Variants in PCDHGA6 observed in about 807,000 individuals in gnomAD.
PCDHGA6 encodes the protein protocadherin gamma-A6.
A neutral mutation model predicts 60.6 loss-of-function variants in PCDHGA6; 41 were observed. The observed-to-expected ratio is 0.68, with a 90% CI of 0.53 to 0.88. The LOEUF is 0.88. PCDHGA6 is among the 40% of genes least tolerant of loss of function. The probability of loss-of-function intolerance (pLI) is 0.00; values close to 1 mark genes in which losing one functional copy is unlikely to be tolerated. For synonymous variants in PCDHGA6, 594 were observed against 524.4 expected (o/e 1.13, Z -1.81); for missense variants, 1,312 against 1,203.0 (o/e 1.09, Z -1.34).
In PCDHGA6 at chr5:141,415,292, G is replaced by T. The variant is rs778092218; in HGVS notation, c.2424+38785G>T. The T allele has an allele frequency of 1.7e-5, 28 of 1,614,082 alleles. No individual in the cohort carries two copies. Among genetic ancestry groups the T allele is most frequent in the Non-Finnish European group, 2.3e-5 (27 of 1,180,046 alleles). Reference sequence around the variant, plus strand: ...GTGGTAGCGGTGGCCGCGGTCTCCTGCGTCTTCCTGGCCTTCGTCATCGTG... The same window carrying T: ...GTGGTAGCGGTGGCCGCGGTCTCCTTCGTCTTCCTGGCCTTCGTCATCGTG... On this transcript the variant is annotated intron_variant, in intron 1 of 3. Coordinates refer to ENST00000517434, the MANE Select transcript of PCDHGA6 (RefSeq NM_018919.3).
At chr5:141,390,424 T>C (rs1175804708) in intron 1 of PCDHGA6, 23 of 1,041,938 alleles carry the variant, frequency 2.2e-5, no homozygotes, top group Non-Finnish European at 3.0e-5. Flanking sequence ...GTTAAAAAGC[T>C]GTCATATCAT....
At chr5:141,404,328 T>G (rs1300173055) in intron 1 of PCDHGA6, 3 of 1,613,902 alleles carry the variant, frequency 1.9e-6, no homozygotes, top group Non-Finnish European at 2.5e-6. Flanking sequence ...TCCTACTCAG[T>G]CTACCTCCCG....
At chr5:141,417,784 G>T in intron 1 of PCDHGA6, 2 of 1,474,908 alleles carry the variant, frequency 1.4e-6, no homozygotes, top group Non-Finnish European at 9.0e-7. Context: ...GTCCTGGGCC[G>T]AATGCTCTTT....
chr5:141,422,115 T>C, intron 1 of PCDHGA6: 1 of 1,605,004 alleles, frequency 6.2e-7, no homozygotes, highest in South Asian at 1.1e-5. Context: ...TCCAATTGGA[T>C]TCACAAACTG....
chr5:141,494,898 T>C, intron 2 of PCDHGA6, 33 bp downstream of exon 2: 1 of 1,614,074 alleles, frequency 6.2e-7, no homozygotes, highest in Non-Finnish European at 8.5e-7. Flanking sequence ...CACCCTCTTC[T>C]CTGCGGCATT....
chr5:141,376,859 T>C, intron 1 of PCDHGA6: 1 of 231,414 alleles, frequency 4.3e-6, no homozygotes, highest in South Asian at 6.4e-5. Context: ...GCTAATTTTT[T>C]TGTATTTTTA....
At chr5:141,389,311 A>C in intron 1 of PCDHGA6, 2 of 1,613,988 alleles carry the variant, frequency 1.2e-6, no homozygotes, top group Non-Finnish European at 1.7e-6. Context: ...AGGGCTTCTG[A>C]TCCGGACTTG....
intron 1 of PCDHGA6, among the ~76,000 whole-genome samples, chr5:141,401,115 G>C (rs923480761): frequency 5.9e-5 from 9 of 151,974 alleles, no homozygotes; most frequent in African/African-American, 1.7e-4. Context: ...AGGCCGAGGC[G>C]GTTGGATCAC....
chr5:141,434,474 A>G (rs979175338), intron 1 of PCDHGA6, among the ~76,000 whole-genome samples: 2 of 152,222 alleles, frequency 1.3e-5, no homozygotes, highest in Non-Finnish European at 2.9e-5. Context: ...GAATGAGGGC[A>G]AGGAACACCT....
In PCDHGA6 at chr5:141,375,280, C is replaced by A. The variant is rs771324220; in HGVS notation, c.1197C>A (p.Gly399=). 1 of 1,613,794 alleles carries A rather than the reference C, an allele frequency of 6.2e-7. No homozygotes were observed. Among genetic ancestry groups the A allele is most frequent in the Admixed American group, 1.7e-5 (1 of 60,018 alleles). ...SLPFELEKSV[G]NYYRLVTNAA... is the part of the protein sequence containing the mutation. Reference sequence around the variant, plus strand: ...CATTTGAATTGGAAAAATCAGTTGGCAATTATTATCGATTAGTGACAAATG... The same window carrying A: ...CATTTGAATTGGAAAAATCAGTTGGAAATTATTATCGATTAGTGACAAATG... The change falls in exon 1 of 4, where the codon GGC becomes GGA. Residue 399 remains glycine, a synonymous_variant. Coordinates refer to ENST00000517434, the MANE Select transcript of PCDHGA6 (RefSeq NM_018919.3).
At position 141,423,386 on chromosome 5, in the gene PCDHGA6, G is replaced by C; in HGVS notation, c.2424+46879G>C. ...CTGCTGGCACTCAGGCTGTGGCGCT[G>C]GCATAAGTCACGCCTGCTGCAGGCT... On this transcript the variant is annotated intron_variant, in intron 1 of 3. Transcript: ENST00000517434. The C allele has an allele frequency of 1.9e-6, 3 of 1,614,160 alleles. No homozygotes were observed. The South Asian group carries it at 3.3e-5, about 18-fold the overall frequency.
In PCDHGA6 at chr5:141,485,053, G is replaced by A. The variant is rs555996081; in HGVS notation, c.2425-9754G>A. On this transcript the variant is annotated intron_variant, in intron 1 of 3. Coordinates refer to ENST00000517434, the MANE Select transcript of PCDHGA6 (RefSeq NM_018919.3). The surrounding 1 kb of genome is among the most constrained non-coding windows in gnomAD (Gnocchi z 5.7). ...GCGCGTAACCCTTGCGGCGCCGGCC[G>A]AACCGCGCCAGAGCTGGCGCGGGGA... 6.9e-5 allele frequency: 57 copies of A among 820,742 alleles called. 2 individuals carry two copies. In the South Asian group the frequency reaches 9.3e-4, roughly 13 times the overall value. 50.8% of individuals were successfully genotyped at this position (820,742 alleles called of 1,614,324 possible).
At chr5:141,422,900 A>G (rs2096684887) in intron 1 of PCDHGA6, 2 of 1,614,220 alleles carry the variant, frequency 1.2e-6, no homozygotes, top group South Asian at 2.2e-5. Flanking sequence ...GACCAGAACG[A>G]CAATGCGCCC....
At chr5:141,412,939 C>G in intron 1 of PCDHGA6, 1 of 461,988 alleles carries the variant, frequency 2.2e-6, no homozygotes, top group Non-Finnish European at 3.8e-6. Context: ...TCTTAGGACT[C>G]TGAGCGCCGC....
intron 1 of PCDHGA6, chr5:141,478,808 T>A: frequency 3.4e-6 from 5 of 1,459,124 alleles, no homozygotes; most frequent in Non-Finnish European, 4.5e-6. Context: ...TCTTTTGCTA[T>A]CACAACTAAC....
intron 1 of PCDHGA6, chr5:141,413,431 G>T (rs963192857): frequency 1.9e-6 from 3 of 1,614,092 alleles, no homozygotes; most frequent in Non-Finnish European, 2.5e-6. Context: ...CCCGCGCAGC[G>T]GCAGCTTGAT....
At chr5:141,433,264 G>T in intron 1 of PCDHGA6, 1 of 1,314,872 alleles carries the variant, frequency 7.6e-7, no homozygotes, top group South Asian at 1.4e-5. Flanking sequence ...TACGATCATA[G>T]CTCACTGCAG....
In PCDHGA6 at chr5:141,454,796, A is replaced by ATTTTTT. The variant is rs61612330; in HGVS notation, c.2425-39987_2425-39982dup. Among the ~76,000 whole-genome samples the ATTTTTT allele has an allele frequency of 4.9e-3, 381 of 77,456 alleles. 41 individuals carry two copies. The highest frequency in any genetic ancestry group is 0.011 in the African/African-American group (178 of 16,882). 50.8% of individuals were successfully genotyped at this position (77,456 alleles called of 152,430 possible). ...AAGGAAATAATCCTCCATGGTTCTA[A>ATTTTTT]TTTTTTTTTTTTTTTTTTTTTTTTT... On this transcript the variant is annotated intron_variant, in intron 1 of 3. Coordinates refer to ENST00000517434, the MANE Select transcript of PCDHGA6 (RefSeq NM_018919.3).
At chr5:141,402,788 C>A in intron 1 of PCDHGA6, 1 of 937,148 alleles carries the variant, frequency 1.1e-6, no homozygotes, top group Non-Finnish European at 1.5e-6. Flanking sequence ...AGTTCTGCGG[C>A]TACACAAAAC....
Sources: gnomAD v4.1 joint callset for allele counts (sites outside exome capture counted in the v4.1 genomes callset) on GRCh38, gnomAD v4.1.1 for gene constraint, Gnocchi (gnomAD v3.1) non-coding constraint, MANE v1.5 for transcripts, NCBI Gene and HGNC (gene_info 2026-07-23, HGNC 2026-07-21) for gene names.